PUM2: variants seen among roughly 807,000 people sequenced by gnomAD.
PUM2 encodes the protein pumilio homolog 2.
Under a neutral mutation model 124.5 loss-of-function variants are expected in PUM2, and 57 were observed. The observed-to-expected ratio is 0.46, with a 90% confidence interval of 0.37 to 0.57. The LOEUF (loss-of-function observed/expected upper bound fraction) is 0.57, where lower values mean the gene tolerates loss of function less well. PUM2 is among the 20% of genes least tolerant of loss of function. The probability of loss-of-function intolerance (pLI) is 0.00; values close to 1 mark genes in which losing one functional copy is unlikely to be tolerated. For synonymous variants in PUM2, 460 were observed against 446.1 expected, an observed-to-expected ratio of 1.03 and a Z score of -0.39; for missense variants, 1,065 against 1,290.6, an observed-to-expected ratio of 0.83 and a Z score of 2.68.
At chr2:20,318,397 T>C (rs1276152290) in intron 3 of PUM2, 140 bp downstream of exon 3, 7 of 684,564 alleles carry the variant, frequency 1.0e-5, no homozygotes, top group East Asian at 5.6e-5. Context: ...AGCTCAGTTA[T>C]TTGAGACCAG....
rs548531432 is a variant in PUM2 at position 20,312,440 on chromosome 2, A to G, written c.161-17T>C. ...TTGAATGGTCTGTTTGGAAGAAAAA[A>G]CACAATTATATACTTATACTTTTAA... On this transcript the variant is annotated splice_polypyrimidine_tract_variant and intron_variant, in intron 3 of 20. Coordinates refer to ENST00000361078, the MANE Select transcript of PUM2 (RefSeq NM_015317.5). The G allele has an allele frequency of 6.2e-7, 1 of 1,600,152 alleles. No homozygotes were observed. The highest frequency in any genetic ancestry group is 1.7e-5 in the Admixed American group (1 of 58,660).
chr2:20,255,416 T>C (rs1664538613), intron 17 of PUM2, 75 bp from the exon 18 acceptor site: 5 of 197,898 alleles, frequency 2.5e-5, no homozygotes, highest in East Asian at 1.3e-4. Flanking sequence ...GACTGGTTTG[T>C]TTTTTTTTTT....
chr2:20,351,455 G>T (rs569505729), upstream of PUM2, among the ~76,000 whole-genome samples: 19 of 152,302 alleles, frequency 1.2e-4, no homozygotes, highest in Non-Finnish European at 2.4e-4. Flanking sequence ...CAAATTGTCG[G>T]CCCCCAGTGC....
intron 10 of PUM2, among the ~76,000 whole-genome samples, chr2:20,284,461 T>C (rs1175825486): frequency 2.0e-5 from 3 of 152,062 alleles, no homozygotes; most frequent in African/African-American, 7.2e-5. Flanking sequence ...GCTTACATGA[T>C]CCTCCCGCCT....
Position 20,249,222 on chromosome 2 carries a change from T to C in PUM2, c.*2363A>G, listed in dbSNP as rs1342570385. On this transcript the variant is annotated 3_prime_UTR_variant, in exon 21 of 21. Coordinates refer to ENST00000361078, the MANE Select transcript of PUM2 (RefSeq NM_015317.5). ...ACAGAGGGCAAGGATGAAGGAAGACTAGGAATTCAACTGTACAAAGACAGG... is the reference window on the plus strand; with the variant it reads ...ACAGAGGGCAAGGATGAAGGAAGACCAGGAATTCAACTGTACAAAGACAGG... 1.3e-5 allele frequency: 2 copies of C among 152,310 alleles called. No individual in the cohort carries two copies. Among genetic ancestry groups the C allele is most frequent in the East Asian group, 3.9e-4 (2 of 5,180 alleles). The allele number at this position is 152,310 out of a possible 1,614,324, so 9.4% of individuals were successfully genotyped here.
Position 20,308,531 on chromosome 2 carries a change from C to T in PUM2, c.572G>A (p.Gly191Asp). Reference protein sequence around the residue: ...ASPTEVVERLGPNTNPSEGLG... With the variant: ...ASPTEVVERLDPNTNPSEGLG... ...TCCTTCTGAGGGATTAGTATTGGGG[C>T]CCAAGCGCTCAACTACTTCAGTTGG... The change falls in exon 6 of 21, where the codon GGC becomes GAC. Residue 191 changes from glycine to aspartate, a missense_variant. Transcript: ENST00000361078. The T allele has an allele frequency of 6.2e-7, 1 of 1,614,012 alleles. No individual in the cohort carries two copies. Among genetic ancestry groups the T allele is most frequent in the Non-Finnish European group, 8.5e-7 (1 of 1,179,906 alleles).
At chr2:20,302,970 C>G (rs773584129) in intron 7 of PUM2, among the ~76,000 whole-genome samples, 3 of 152,200 alleles carry the variant, frequency 2.0e-5, no homozygotes, top group Non-Finnish European at 4.4e-5. Context: ...GCACATGCGA[C>G]CCATCAGGTG....
intron 5 of PUM2, among the ~76,000 whole-genome samples, chr2:20,310,824 A>G (rs1289198528): frequency 6.6e-6 from 1 of 152,024 alleles, no homozygotes; most frequent in Non-Finnish European, 1.5e-5. Context: ...CAATACAAAG[A>G]AACAACTCCC....
chr2:20,323,663 G>C (rs561044146), intron 2 of PUM2, among the ~76,000 whole-genome samples: 1 of 151,754 alleles, frequency 6.6e-6, no homozygotes, highest in Admixed American at 6.6e-5. Flanking sequence ...CTATCCTAGC[G>C]GGATGATGAA....
At chr2:20,296,979 GC>G (rs1464405297) in intron 8 of PUM2, among the ~76,000 whole-genome samples, 1 of 152,136 alleles carries the variant, frequency 6.6e-6, no homozygotes, top group Non-Finnish European at 1.5e-5. Flanking sequence ...ACAGGTGTGA[GC>G]CACTGCACCT....
chr2:20,332,739 T>C (rs1228089760), intron 1 of PUM2, among the ~76,000 whole-genome samples: 1 of 152,210 alleles, frequency 6.6e-6, no homozygotes, highest in Non-Finnish European at 1.5e-5. Flanking sequence ...ATTTAGTGAC[T>C]TTATCCGAAT....
chr2:20,309,564 C>A (rs944498521), intron 5 of PUM2, among the ~76,000 whole-genome samples: 8 of 152,066 alleles, frequency 5.3e-5, no homozygotes, highest in African/African-American at 1.9e-4. Flanking sequence ...ACATTTCTAG[C>A]CCATTATCAA....
At chr2:20,322,611 T>G (rs967707451) in intron 2 of PUM2, among the ~76,000 whole-genome samples, 1 of 151,992 alleles carries the variant, frequency 6.6e-6, no homozygotes, top group Non-Finnish European at 1.5e-5. Flanking sequence ...AAGACCAGCC[T>G]GGGCAACATG....
intron 10 of PUM2, among the ~76,000 whole-genome samples, chr2:20,288,095 C>G (rs1392565831): frequency 6.6e-6 from 1 of 152,168 alleles, no homozygotes. Flanking sequence ...CTTTTCCTAT[C>G]TGAAACGAAA....
chr2:20,284,817 G>A (rs1211461616), intron 10 of PUM2, among the ~76,000 whole-genome samples: 3 of 152,166 alleles, frequency 2.0e-5, no homozygotes, highest in Non-Finnish European at 4.4e-5. Flanking sequence ...ACAGTGCTCA[G>A]ATAAACACTT....
intron 10 of PUM2, among the ~76,000 whole-genome samples, chr2:20,284,115 G>A (rs1442896466): frequency 2.0e-5 from 3 of 152,168 alleles, no homozygotes; most frequent in African/African-American, 7.2e-5. Context: ...GAGATTCTCT[G>A]TTGAACCAAA....
intron 13 of PUM2, among the ~76,000 whole-genome samples, chr2:20,270,156 G>A (rs917529108): frequency 2.0e-5 from 3 of 152,172 alleles, no homozygotes; most frequent in African/African-American, 7.2e-5. Flanking sequence ...GGATGAGTTC[G>A]AGTAGCCTAA....
intron 1 of PUM2, among the ~76,000 whole-genome samples, chr2:20,343,700 G>A (rs569003322): frequency 1.3e-5 from 2 of 152,288 alleles, no homozygotes; most frequent in South Asian, 2.1e-4. Context: ...CCAGGAATTC[G>A]AGACCACATG....
chr2:20,265,441 G>A (rs1247365504), intron 13 of PUM2, among the ~76,000 whole-genome samples: 1 of 152,056 alleles, frequency 6.6e-6, no homozygotes, highest in Admixed American at 6.5e-5. Flanking sequence ...ATTTGTTTAC[G>A]TATTTCTAAC....
Sources: allele counts gnomAD v4.1 joint callset (sites outside exome capture counted in the v4.1 genomes callset), GRCh38; gene constraint gnomAD v4.1.1; transcripts MANE v1.5; gene names NCBI Gene and HGNC (gene_info 2026-07-23, HGNC 2026-07-21).